FAM83G: variants seen among roughly 807,000 people sequenced by gnomAD.
FAM83G encodes the protein protein FAM83G.
In FAM83G, 38 loss-of-function variants were observed where a neutral mutation model predicts 61.5. That is an observed-to-expected ratio of 0.62 (90% CI 0.48 to 0.81). FAM83G has a LOEUF of 0.81. Among genes scored for constraint, FAM83G ranks in the 30% least tolerant of loss-of-function variants. The pLI, the probability that FAM83G is intolerant of heterozygous loss-of-function variation, is 0.00. For missense variants in FAM83G, 989 were observed against 1,133.6 expected (o/e 0.87, Z 1.83); for synonymous variants, 470 against 476.1 (o/e 0.99, Z 0.17).
intron 2 of FAM83G, among the ~76,000 whole-genome samples, chr17:18,993,992 G>A (rs1357668435): frequency 1.3e-5 from 2 of 152,166 alleles, no homozygotes; most frequent in African/African-American, 4.8e-5. Flanking sequence ...CATCCCACCA[G>A]ACCCACAGCT....
At position 18,969,344 on chromosome 17, in the gene FAM83G, G is replaced by A; in HGVS notation, c.*2015C>T. The A allele has an allele frequency of 6.2e-7, 1 of 1,613,266 alleles. No homozygotes were observed. ...AGCAACCTTGCTTCCACTGGCAGGG[G>A]GCCTGGCTGCTGTAATCTACACGGA... On this transcript the variant is annotated 3_prime_UTR_variant, in exon 6 of 6. Coordinates refer to ENST00000388995, the MANE Select transcript of FAM83G (RefSeq NM_001039999.3).
Position 18,971,062 on chromosome 17 carries a change from G to C in FAM83G, c.*297C>G, listed in dbSNP as rs1237612957. ...GGCAGCTGGAGGCAGCCTACGCCCA[G>C]GCCATTCCCTCCAGGACCATTGCCA... On this transcript the variant is annotated 3_prime_UTR_variant, in exon 6 of 6. Coordinates refer to ENST00000388995, the MANE Select transcript of FAM83G (RefSeq NM_001039999.3). The surrounding 1 kb of genome is among the most constrained non-coding windows in gnomAD (Gnocchi z 5.5). The C allele has an allele frequency of 6.8e-6, 11 of 1,613,934 alleles. No individual in the cohort carries two copies. Among genetic ancestry groups the C allele is most frequent in the Non-Finnish European group, 9.3e-6 (11 of 1,180,028 alleles).
chr17:18,977,588 G>A lies in FAM83G; in HGVS notation c.2078C>T (p.Ala693Val), dbSNP rs532245695. The A allele has an allele frequency of 1.7e-5, 27 of 1,607,694 alleles. No individual in the cohort carries two copies. The South Asian group carries it at 2.6e-4, about 16-fold the overall frequency. ...MQAQRSTDKEAQGQQFHHHRV... is the reference protein window; with the variant it reads ...MQAQRSTDKEVQGQQFHHHRV... The stretch of plus-strand genomic sequence containing the variant: ...TGTGCAGGGACCCTGACCCACCTGT[G>A]CCTCCTTGTCTGTGGAGCGCTGGGC... The change falls in exon 5 of 6, where the codon GCA becomes GTA. Residue 693 changes from alanine to valine, a missense_variant. Ala to Val is a moderately conservative substitution (Grantham distance 64, BLOSUM62 0). Around this residue, in one of 3 missense-constraint regions of FAM83G, gnomAD observed 574 missense variants for 645.1 expected, o/e 0.89. Transcript: ENST00000388995.
Position 18,977,684 on chromosome 17 carries a change from C to T in FAM83G, c.1982G>A (p.Gly661Glu). 1 of 1,610,610 alleles carries T rather than the reference C, an allele frequency of 6.2e-7. No homozygotes were observed. The highest frequency in any genetic ancestry group is 8.5e-7 in the Non-Finnish European group (1 of 1,179,810). ...GGCCCATGGGGAGCCACCCTGGGGT[C>T]CAACAAAGGTCCCTCGGGTTATATG... ...APHITRGTFVGPQGGSPWAQS... is the reference protein window; with the variant it reads ...APHITRGTFVEPQGGSPWAQS... The change falls in exon 5 of 6, where the codon GGA (glycine) becomes GAA (glutamate). Residue 661 changes from glycine (G) to glutamate (E), a missense_variant. By Grantham distance (98) the Gly-to-Glu change is moderately conservative. This residue lies in a region of FAM83G where 574 missense variants were observed against 645.1 expected (regional missense o/e 0.89). Transcript: ENST00000388995.
intron 2 of FAM83G, among the ~76,000 whole-genome samples, chr17:18,994,456 C>T (rs2043512767): frequency 6.6e-6 from 1 of 152,084 alleles, no homozygotes; most frequent in Non-Finnish European, 1.5e-5. Flanking sequence ...AGAGTGAACT[C>T]CAGAGACCTG....
rs2042821299 is a variant in FAM83G at position 18,970,741 on chromosome 17, TGCTGGGCCA to T, written c.*609_*617del. 1 of 485,816 alleles carries T rather than the reference TGCTGGGCCA, an allele frequency of 2.1e-6. No individual in the cohort carries two copies. The highest frequency in any genetic ancestry group is 3.7e-6 in the Non-Finnish European group (1 of 267,388). 30.1% of individuals were successfully genotyped at this position (485,816 alleles called of 1,614,324 possible). On this transcript the variant is annotated 3_prime_UTR_variant, in exon 6 of 6. Coordinates refer to ENST00000388995, the MANE Select transcript of FAM83G (RefSeq NM_001039999.3). ...GTGTCCAGAGGCCAACAGTGACTCC[TGCTGGGCCA>T]GCGGGACACTGGGGTGCCCATGTGC... is the stretch of plus-strand genomic sequence containing the variant.
At chr17:18,984,112 G>T (rs377551287) in intron 3 of FAM83G, among the ~76,000 whole-genome samples, 1 of 152,140 alleles carries the variant, frequency 6.6e-6, no homozygotes, top group Non-Finnish European at 1.5e-5. Context: ...GGAGGCCGAG[G>T]CGGGCGGATC....
chr17:18,993,564 A>G (rs1402720025), intron 2 of FAM83G, among the ~76,000 whole-genome samples: 2 of 152,186 alleles, frequency 1.3e-5, no homozygotes, highest in Non-Finnish European at 2.9e-5. Context: ...ACTATGCTCC[A>G]GGCAGGTGGA....
At position 18,978,409 on chromosome 17, in the gene FAM83G, C is replaced by A; in HGVS notation, c.1257G>T (p.Pro419=). 3.1e-6 allele frequency: 5 copies of A among 1,591,306 alleles called. No individual in the cohort carries two copies. In the East Asian group the frequency reaches 1.1e-4, roughly 36 times the overall value. ...EYLPTWVEPD[P]EPGSDILGYI... is the part of the protein sequence containing the mutation. ...AGCCCAGGATGTCGCTGCCAGGCTCCGGGTCTGGCTCCACCCACGTGGGCA... is the reference window on the plus strand; with the variant it reads ...AGCCCAGGATGTCGCTGCCAGGCTCAGGGTCTGGCTCCACCCACGTGGGCA... The change falls in exon 5 of 6, where the codon CCG becomes CCT. Residue 419 remains proline (P), a synonymous_variant. Transcript: ENST00000388995.
chr17:18,981,134 G>A (rs929518143), intron 3 of FAM83G, among the ~76,000 whole-genome samples: 1 of 152,220 alleles, frequency 6.6e-6, no homozygotes, highest in Non-Finnish European at 1.5e-5. Context: ...TGAAGGGGAG[G>A]CTGAGGGGGT....
At chr17:18,981,546 C>G (rs2043132953) in intron 3 of FAM83G, among the ~76,000 whole-genome samples, 2 of 152,148 alleles carry the variant, frequency 1.3e-5, no homozygotes, top group African/African-American at 4.8e-5. Flanking sequence ...CCTGAGAGAG[C>G]AGAGCTGCCC....
intron 2 of FAM83G, among the ~76,000 whole-genome samples, chr17:19,001,369 G>T (rs534587357): frequency 6.6e-6 from 1 of 152,322 alleles, no homozygotes; most frequent in African/African-American, 2.4e-5. Context: ...TACTGCCTCT[G>T]AGGCCCCCAC....
intron 2 of FAM83G, among the ~76,000 whole-genome samples, chr17:18,997,594 A>G (rs1394023034): frequency 6.6e-6 from 1 of 152,228 alleles, no homozygotes; most frequent in Non-Finnish European, 1.5e-5. Context: ...AAGCATCCTA[A>G]TGCCCCAGAA....
chr17:18,968,921 C>T lies in FAM83G; in HGVS notation c.*2438G>A, dbSNP rs1366736950. On this transcript the variant is annotated 3_prime_UTR_variant, in exon 6 of 6. Transcript: ENST00000388995. The surrounding 1 kb of genome is among the most constrained non-coding windows in gnomAD (Gnocchi z 4.1). ...TGGCCCCGTGATGCAGGCAGGCAGG[C>T]GAGTGGGGGTCTCCCCTCCTTATCC... 10 of 747,808 alleles carry T rather than the reference C, an allele frequency of 1.3e-5. No individual in the cohort carries two copies. The highest frequency in any genetic ancestry group is 6.8e-4 in the Middle Eastern group (2 of 2,944). The allele number at this position is 747,808 out of a possible 1,614,324, so 46.3% of individuals were successfully genotyped here. A position where few individuals can be genotyped will look rare whatever the true frequency, so the allele number is the denominator to read the frequency against.
intron 3 of FAM83G, 105 bp from the exon 4 acceptor site, chr17:18,979,778 T>G: frequency 1.5e-6 from 2 of 1,315,402 alleles, no homozygotes; most frequent in Admixed American, 3.7e-5. Context: ...TCTGGAGTAG[T>G]CAGGAGGGGA....
At position 18,981,182 on chromosome 17, in the gene FAM83G, G is replaced by A. The variant is rs545158174; in HGVS notation, c.691-1509C>T. Among the ~76,000 whole-genome samples the A allele has an allele frequency of 6.6e-5, 10 of 152,330 alleles. No individual in the cohort carries two copies. In the South Asian group the frequency reaches 2.1e-3, roughly 32 times the overall value. ...GCTGAATGCCCAGGATCGCAGAGGA[G>A]TAGCCTGAAGTGTGAAGGGCTGGCC... On this transcript the variant is annotated intron_variant, in intron 3 of 5. Transcript: ENST00000388995.
At chr17:18,999,989 T>C (rs781668110) in intron 2 of FAM83G, among the ~76,000 whole-genome samples, 1 of 152,188 alleles carries the variant, frequency 6.6e-6, no homozygotes, top group African/African-American at 2.4e-5. Flanking sequence ...AGCTAGAACA[T>C]CTACATCCAG....
rs1350136166 is a variant in FAM83G, at chr17:18,971,847, T to G, written c.2083-99A>C. ...GCACACAGGAGCCGGCAGGCCCGGG[T>G]TCGCCTCCTGGCTCTGCCATTCACC... On this transcript the variant is annotated intron_variant, in intron 5 of 5. Coordinates refer to ENST00000388995, the MANE Select transcript of FAM83G (RefSeq NM_001039999.3). The surrounding 1 kb of genome is among the most constrained non-coding windows in gnomAD (Gnocchi z 5.5). 9.8e-6 allele frequency: 13 copies of G among 1,331,620 alleles called. No homozygotes were observed. Among genetic ancestry groups the G allele is most frequent in the South Asian group, 3.0e-5 (2 of 66,832 alleles). The allele number at this position is 1,331,620 out of a possible 1,614,324, so 82.5% of individuals were successfully genotyped here.
chr17:18,985,215 G>A (rs189272973), intron 3 of FAM83G, among the ~76,000 whole-genome samples: 82 of 152,296 alleles, frequency 5.4e-4, no homozygotes, highest in Non-Finnish European at 2.1e-4. Flanking sequence ...AAGGCCCACC[G>A]CACAAACGGC....
Sources: gnomAD v4.1 joint callset for allele counts (sites outside exome capture counted in the v4.1 genomes callset) on GRCh38, gnomAD v4.1.1 for gene constraint, gnomAD v4.1.1 regional missense constraint, Gnocchi (gnomAD v3.1) non-coding constraint, MANE v1.5 for transcripts, NCBI Gene and HGNC (gene_info 2026-07-23, HGNC 2026-07-21) for gene names.